ARMCX4: variants seen among roughly 807,000 people sequenced by gnomAD.
ARMCX4 encodes armadillo repeat containing X-linked 4.
In ARMCX4, 3 loss-of-function variants were observed where a neutral mutation model predicts 34.7. The ratio of observed to expected loss-of-function variants is 0.09; its 90% CI spans 0.04 to 0.22. The LOEUF is 0.22. ARMCX4 is among the 10% of genes least tolerant of loss of function. The pLI is 1.00. For missense variants in ARMCX4, 1,448 were observed against 1,720.8 expected, an observed-to-expected ratio of 0.84 and a Z score of 2.81; for synonymous variants, 513 against 632.8, an observed-to-expected ratio of 0.81 and a Z score of 2.84.
intron 2 of ARMCX4, among the ~76,000 whole-genome samples, chrX:101,439,333 G>C (rs1555996054): frequency 3.6e-5 from 4 of 111,746 alleles, no homozygotes; most frequent in Non-Finnish European, 5.6e-5. Flanking sequence ...TTTCTGCCGA[G>C]AGATCCGCTG....
chrX:101,478,451 A>G (rs1208799761), intron 4 of ARMCX4, among the ~76,000 whole-genome samples: 9 of 112,036 alleles, frequency 8.0e-5, no homozygotes, highest in African/African-American at 2.9e-4. Flanking sequence ...AAAACAAAAC[A>G]GCAGAAGAAT....
intron 7 of ARMCX4, among the ~76,000 whole-genome samples, chrX:101,504,119 G>A (rs1415894959): frequency 2.7e-5 from 3 of 111,245 alleles, no homozygotes; most frequent in Non-Finnish European, 5.7e-5. Flanking sequence ...TTATTTCTGA[G>A]GGCTCTGTTC....
At chrX:101,423,619 AAAAAAT>A (rs1331676302) in intron 2 of ARMCX4, among the ~76,000 whole-genome samples, 13 of 109,738 alleles carry the variant, frequency 1.2e-4, no homozygotes, top group East Asian at 3.0e-4. Flanking sequence ...CTCCGTCTCA[AAAAAAT>A]AAAAATAAAA....
intron 2 of ARMCX4, among the ~76,000 whole-genome samples, chrX:101,423,879 T>C (rs1555990489): frequency 9.0e-6 from 1 of 110,781 alleles, no homozygotes; most frequent in African/African-American, 3.3e-5. Context: ...TTTTTATATT[T>C]TGAGATGGAG....
At chrX:101,424,832 A>G (rs1385474960) in intron 2 of ARMCX4, among the ~76,000 whole-genome samples, 1 of 111,948 alleles carries the variant, frequency 8.9e-6, no homozygotes, top group Non-Finnish European at 1.9e-5. Context: ...AAGTTCAGGT[A>G]TGAGGACTGT....
At chrX:101,423,548 C>T (rs1183088306) in intron 2 of ARMCX4, among the ~76,000 whole-genome samples, 1 of 108,913 alleles carries the variant, frequency 9.2e-6, no homozygotes, top group Non-Finnish European at 1.9e-5. Context: ...ACCTGGGAGG[C>T]GGAGGTTGCA....
At chrX:101,480,105 ATGG>A (rs782020820) in intron 4 of ARMCX4, among the ~76,000 whole-genome samples, 1 of 99,394 alleles carries the variant, frequency 1.0e-5, no homozygotes, top group South Asian at 5.4e-4. Context: ...TATTATATGA[ATGG>A]TGCTAGGATT....
At chrX:101,460,733 A>G (rs1932572170) in intron 4 of ARMCX4, among the ~76,000 whole-genome samples, 1 of 112,202 alleles carries the variant, frequency 8.9e-6, no homozygotes. Flanking sequence ...ATGACAGCAA[A>G]TATTTGCAAA....
At chrX:101,468,690 T>A (rs1932838419) in intron 4 of ARMCX4, among the ~76,000 whole-genome samples, 1 of 108,180 alleles carries the variant, frequency 9.2e-6, no homozygotes, top group Admixed American at 1.0e-4. Context: ...CTCGGCTCAC[T>A]GCAAGCTCCA....
rs1018286246 is a variant in ARMCX4, at chrX:101,508,188, A to G, written c.*1597-1176A>G. Among the ~76,000 whole-genome samples the G allele has an allele frequency of 6.2e-5, 7 of 112,389 alleles. No homozygotes were observed. In the Admixed American group the frequency reaches 6.6e-4, roughly 11 times the overall value. On this transcript the variant is annotated intron_variant and NMD_transcript_variant, in intron 8 of 12. Transcript: ENST00000354842. ...GTTCACACAATGACTGTATCACCGAACAATGCATTTCTCAGAACGTATCTT... is the reference window on the plus strand; with the variant it reads ...GTTCACACAATGACTGTATCACCGAGCAATGCATTTCTCAGAACGTATCTT...
intron 4 of ARMCX4, among the ~76,000 whole-genome samples, chrX:101,476,663 G>T (rs782021437): frequency 9.0e-6 from 1 of 111,332 alleles, no homozygotes; most frequent in Non-Finnish European, 1.9e-5. Context: ...GATGAGAATG[G>T]AAATAAACCC....
chrX:101,527,333 T>G (rs192595684), intron 11 of ARMCX4, among the ~76,000 whole-genome samples: 84 of 111,903 alleles, frequency 7.5e-4, no homozygotes, highest in East Asian at 5.3e-3. Flanking sequence ...ATTTAAGCAG[T>G]GTGTAGAGTG....
chrX:101,522,484 T>C (rs372025804), intron 11 of ARMCX4, among the ~76,000 whole-genome samples: 2 of 112,337 alleles, frequency 1.8e-5, no homozygotes, highest in South Asian at 7.3e-4. Flanking sequence ...TCCATTTATA[T>C]TAATGCAATT....
At chrX:101,459,050 A>G (rs1932475543) in intron 4 of ARMCX4, among the ~76,000 whole-genome samples, 1 of 111,499 alleles carries the variant, frequency 9.0e-6, no homozygotes. Context: ...TAAGTATGCT[A>G]TTCAGACTTG....
At chrX:101,520,997 T>C (rs1934843096) in intron 11 of ARMCX4, among the ~76,000 whole-genome samples, 1 of 106,699 alleles carries the variant, frequency 9.4e-6, no homozygotes, top group Non-Finnish European at 1.9e-5. Flanking sequence ...AATGATGAAG[T>C]CTTGGCTCAC....
At chrX:101,433,963 C>T (rs1268567330) in intron 2 of ARMCX4, among the ~76,000 whole-genome samples, 2 of 105,394 alleles carry the variant, frequency 1.9e-5, no homozygotes, top group Non-Finnish European at 3.9e-5. Flanking sequence ...TTTTTTTTTC[C>T]GAGATGGGGT....
intron 8 of ARMCX4, among the ~76,000 whole-genome samples, chrX:101,506,148 C>T (rs1209026347): frequency 8.9e-6 from 1 of 112,210 alleles, no homozygotes; most frequent in Non-Finnish European, 1.9e-5. Context: ...CCGCCCAGAA[C>T]TGTTTTCATC....
At chrX:101,505,646 T>C (rs1934431434) in intron 8 of ARMCX4, among the ~76,000 whole-genome samples, 2 of 111,594 alleles carry the variant, frequency 1.8e-5, no homozygotes, top group African/African-American at 6.5e-5. Context: ...TAGCGCAGAA[T>C]TGAAACCGAG....
In ARMCX4 at chrX:101,495,457, C is replaced by T. The variant is rs1556011632; in HGVS notation, c.6868C>T (p.Leu2290Phe). ...KERVELLISKL is the reference protein window; with the variant it reads ...KERVELLISKF ...GAGAGTTGAGCTATTAATAAGTAAACTCTGATTGGCTGTATGTTCCCAAAC... is the reference window on the plus strand; with the variant it reads ...GAGAGTTGAGCTATTAATAAGTAAATTCTGATTGGCTGTATGTTCCCAAAC... Residue 2290 changes from leucine (L) to phenylalanine (F), a missense_variant, in exon 6 of 6, where the codon CTC becomes TTC. Leu to Phe is a conservative substitution (Grantham distance 22, BLOSUM62 0). Around this residue, in one of 2 missense-constraint regions of ARMCX4, gnomAD observed 105 missense variants for 180.2 expected, o/e 0.58. Coordinates refer to ENST00000423738, the MANE Select transcript of ARMCX4 (RefSeq NM_001256155.3). 7.3e-6 allele frequency: 8 copies of T among 1,098,188 alleles called. No individual in the cohort carries two copies. The highest frequency in any genetic ancestry group is 9.5e-6 in the Non-Finnish European group (8 of 845,929). The allele number at this position is 1,098,188 out of a possible 1,213,427, so 90.5% of individuals were successfully genotyped here. A position where few individuals can be genotyped will look rare whatever the true frequency, so the allele number is the denominator to read the frequency against.
Sources: gnomAD v4.1 joint callset for allele counts (sites outside exome capture counted in the v4.1 genomes callset) on GRCh38, gnomAD v4.1.1 for gene constraint, gnomAD v4.1.1 regional missense constraint, MANE v1.5 for transcripts, NCBI Gene and HGNC (gene_info 2026-07-23, HGNC 2026-07-21) for gene names.